ACR: variants seen among roughly 807,000 people sequenced by gnomAD.
ACR encodes acrosin.
In ACR, 17 loss-of-function variants were observed where a neutral mutation model predicts 26.0. The ratio of observed to expected loss-of-function variants is 0.65; its 90% confidence interval spans 0.45 to 0.98. The LOEUF is 0.98. Among genes scored for constraint, ACR ranks in the 50% least tolerant of loss-of-function variants. The pLI is 0.00. For missense variants in ACR, 435 were observed against 519.3 expected (o/e 0.84, Z 1.58); for synonymous variants, 199 against 207.7 (o/e 0.96, Z 0.36).
rs753117359 is a variant in ACR, at chr22:50,739,836, G to A, written c.424G>A (p.Asp142Asn). The A allele has an allele frequency of 1.2e-6, 2 of 1,611,538 alleles. No homozygotes were observed. The highest frequency in any genetic ancestry group is 3.4e-5 in the Admixed American group (2 of 59,638). The change falls in exon 3 of 5, where the codon GAC becomes AAC. Residue 142 changes from aspartate to asparagine, a missense_variant. Transcript: ENST00000216139. This position sits in a 1 kb window ranked among gnomAD's most constrained non-coding sequence, Gnocchi z 5.5. The stretch of plus-strand genomic sequence containing the variant: ...ATACAACTCTGCGACAGAGGGAAAT[G>A]ACATTGCCCTCGTGGAGATCACCCC... ...EKYNSATEGN[D>N]IALVEITPPI...
At chr22:50,741,807 C>T (rs1303590672) in intron 3 of ACR, among the ~76,000 whole-genome samples, 1 of 150,846 alleles carries the variant, frequency 6.6e-6, no homozygotes, top group Non-Finnish European at 1.5e-5. Flanking sequence ...GGTTTTGAGT[C>T]CCTGCAGACT....
intron 3 of ACR, chr22:50,740,568 G>GCTCTGTA (rs2083420830): frequency 1.4e-6 from 1 of 702,152 alleles, no homozygotes; most frequent in Non-Finnish European, 2.6e-6. Context: ...ACTGGGAAGG[G>GCTCTGTA]GACCGGTGGT....
At chr22:50,742,525 C>G (rs1476321803) in intron 3 of ACR, among the ~76,000 whole-genome samples, 1 of 131,632 alleles carries the variant, frequency 7.6e-6, no homozygotes, top group Non-Finnish European at 1.6e-5. Flanking sequence ...GCCTGGGCGA[C>G]AGAGCAAGAC....
In ACR at chr22:50,739,322, C is replaced by G; in HGVS notation, c.129C>G (p.Ile43Met). Residue 43 changes from isoleucine to methionine, a missense_variant, in exon 2 of 5, where the codon ATC (isoleucine) becomes ATG (methionine). This residue lies in a region of ACR where 314 missense variants were observed against 372.0 expected (regional missense o/e 0.84). Transcript: ENST00000216139. This position sits in a 1 kb window ranked among gnomAD's most constrained non-coding sequence, Gnocchi z 5.5. ...FRQNPQGGVR[I>M]VGGKAAQHGA... Reference sequence around the variant, plus strand: ...AAAACCCACAGGGTGGTGTCCGCATCGTCGGCGGGAAGGCTGCACAGCATG... The same window carrying G: ...AAAACCCACAGGGTGGTGTCCGCATGGTCGGCGGGAAGGCTGCACAGCATG... The G allele has an allele frequency of 6.2e-7, 1 of 1,606,780 alleles. No individual in the cohort carries two copies. The highest frequency in any genetic ancestry group is 1.1e-5 in the South Asian group (1 of 89,804).
chr22:50,738,335 G>C (rs767699984), intron 1 of ACR, 23 bp downstream of exon 1: 1 of 1,611,802 alleles, frequency 6.2e-7, no homozygotes, highest in Non-Finnish European at 8.5e-7. Context: ...GCACCTTGGT[G>C]GGGGAAGGAT....
At position 50,744,197 on chromosome 22, in the gene ACR, C is replaced by T. The variant is rs1308668549; in HGVS notation, c.702C>T (p.Asp234=). The change falls in exon 4 of 5, where the codon GAC becomes GAT. Residue 234 remains aspartate (D), a synonymous_variant. Coordinates refer to ENST00000216139, the MANE Select transcript of ACR (RefSeq NM_001097.3). Reference sequence around the variant, plus strand: ...CGGGGTATCCTGTAGGCAAGATCGACACCTGCCAGGTAACCTTCCTTCTGG... The same window carrying T: ...CGGGGTATCCTGTAGGCAAGATCGATACCTGCCAGGTAACCTTCCTTCTGG... The part of the protein sequence containing the change: ...VCAGYPVGKI[D]TCQGDSGGPL... 2 of 1,613,622 alleles carry T rather than the reference C, an allele frequency of 1.2e-6. No individual in the cohort carries two copies. Among genetic ancestry groups the T allele is most frequent in the African/African-American group, 1.3e-5 (1 of 74,950 alleles).
chr22:50,740,860 C>T (rs973445168), intron 3 of ACR: 2 of 611,910 alleles, frequency 3.3e-6, no homozygotes, highest in Admixed American at 5.2e-5. Context: ...ATTGTCATTA[C>T]TGACTCCGTG....
At chr22:50,742,356 A>G (rs2083428041) in intron 3 of ACR, among the ~76,000 whole-genome samples, 1 of 151,942 alleles carries the variant, frequency 6.6e-6, no homozygotes, top group Non-Finnish European at 1.5e-5. Context: ...CATCCTGGCT[A>G]ACACGGTGAA....
rs766169568 is a variant in ACR at position 50,744,054 on chromosome 22, A to T, written c.566-7A>T. The T allele has an allele frequency of 1.1e-5, 18 of 1,578,690 alleles. No individual in the cohort carries two copies. Among genetic ancestry groups the T allele is most frequent in the Middle Eastern group, 1.7e-4 (1 of 6,010 alleles). On this transcript the variant is annotated splice_region_variant and splice_polypyrimidine_tract_variant and intron_variant, in intron 3 of 4. Coordinates refer to ENST00000216139, the MANE Select transcript of ACR (RefSeq NM_001097.3). Reference sequence around the variant, plus strand: ...TGATCACTGACCACCGAGTGGTCTGACTATAGCCCCCAGGCCATCATCTAT... The same window carrying T: ...TGATCACTGACCACCGAGTGGTCTGTCTATAGCCCCCAGGCCATCATCTAT...
At position 50,739,465 on chromosome 22, in the gene ACR, T is replaced by C. The variant is rs750963565; in HGVS notation, c.272T>C (p.Val91Ala). 20 of 1,614,030 alleles carry C rather than the reference T, an allele frequency of 1.2e-5. No homozygotes were observed. The highest frequency in any genetic ancestry group is 1.7e-5 in the Non-Finnish European group (20 of 1,180,032). ...GTGCTCACTGCTGCTCACTGCTTCG[T>C]CGGCAAAAAGTACGTGTAGGGATGC... ...RWVLTAAHCF[V>A]GKNNVHDWRL... Residue 91 changes from valine (V) to alanine (A), a missense_variant, in exon 2 of 5, where the codon GTC becomes GCC. By Grantham distance (64) the Val-to-Ala change is moderately conservative. This residue lies in a region of ACR where 314 missense variants were observed against 372.0 expected (regional missense o/e 0.84). Transcript: ENST00000216139. This position sits in a 1 kb window ranked among gnomAD's most constrained non-coding sequence, Gnocchi z 5.5.
chr22:50,740,493 C>T, intron 3 of ACR: 1 of 658,232 alleles, frequency 1.5e-6, no homozygotes, highest in South Asian at 1.7e-5. Flanking sequence ...CAGCAGCCAC[C>T]TCCGGTGCAG....
intron 3 of ACR, chr22:50,740,897 T>C (rs2083422235): frequency 3.4e-6 from 2 of 582,464 alleles, no homozygotes; most frequent in Non-Finnish European, 6.2e-6. Flanking sequence ...CACCTCTCCC[T>C]ACATACTTAG....
chr22:50,742,712 C>A (rs563164882), intron 3 of ACR, among the ~76,000 whole-genome samples: 2 of 152,278 alleles, frequency 1.3e-5, no homozygotes, highest in Admixed American at 1.3e-4. Context: ...GGAAAGCCAG[C>A]GAGCACTCGT....
Position 50,740,289 on chromosome 22 carries a change from C to A in ACR, c.565+312C>A, listed in dbSNP as rs527561398. ...GCTGGATCCTGGAAACAAGCAGCAA[C>A]CCTGAAACAGCCTTTGGAGAAGAGC... On this transcript the variant is annotated intron_variant, in intron 3 of 4. Transcript: ENST00000216139. The A allele has an allele frequency of 1.7e-4, 94 of 569,014 alleles. 1 individual carries two copies. The highest frequency in any genetic ancestry group is 1.6e-3 in the African/African-American group (85 of 53,472). The allele number at this position is 569,014 out of a possible 1,614,324, so 35.2% of individuals were successfully genotyped here. A position where few individuals can be genotyped will look rare whatever the true frequency, so the allele number is the denominator to read the frequency against.
At chr22:50,742,857 G>T (rs1442096456) in intron 3 of ACR, among the ~76,000 whole-genome samples, 1 of 152,206 alleles carries the variant, frequency 6.6e-6, no homozygotes, top group Non-Finnish European at 1.5e-5. Context: ...CATCTGCTCT[G>T]CAGGTGACGT....
chr22:50,741,111 A>G (rs1249058085), intron 3 of ACR, among the ~76,000 whole-genome samples: 4 of 152,216 alleles, frequency 2.6e-5, no homozygotes, highest in African/African-American at 9.6e-5. Context: ...ATTCAAGGCA[A>G]TTCAGTCATA....
chr22:50,738,305 A>G lies in ACR; in HGVS notation c.70A>G (p.Thr24Ala). ...AVSVVAKDNA[T>A]CDGPCGLRFR... ...GTCCGTGGTTGCTAAAGATAACGCC[A>G]CGTGTGAGTAAGTGTCGGGGCACCT... The change falls in exon 1 of 5, where the codon ACG (threonine) becomes GCG (alanine). Residue 24 changes from threonine to alanine, a missense_variant. Transcript: ENST00000216139. The G allele has an allele frequency of 6.2e-7, 1 of 1,613,834 alleles. No individual in the cohort carries two copies. The highest frequency in any genetic ancestry group is 8.5e-7 in the Non-Finnish European group (1 of 1,179,882).
At chr22:50,738,446 C>G in intron 1 of ACR, 134 bp downstream of exon 1, 1 of 879,446 alleles carries the variant, frequency 1.1e-6, no homozygotes. Flanking sequence ...GAATCAGCAG[C>G]CTGGAGCCCC....
At position 50,744,975 on chromosome 22, in the gene ACR, G is replaced by A. The variant is rs1064738; in HGVS notation, c.1034G>A (p.Arg345Gln). 3.2e-5 allele frequency: 27 copies of A among 837,266 alleles called. No individual in the cohort carries two copies. The South Asian group carries it at 4.1e-4, about 13-fold the overall frequency. 51.9% of individuals were successfully genotyped at this position (837,266 alleles called of 1,614,324 possible). A position where few individuals can be genotyped will look rare whatever the true frequency, so the allele number is the denominator to read the frequency against. The part of the protein sequence containing the change: ...LPPRPPAAQP[R>Q]PPPSPPPPPP... ...CCCCGACCACCGGCAGCCCAGCCCC[G>A]ACCCCCACCTTCACCCCCGCCCCCA... is the stretch of plus-strand genomic sequence containing the variant. Residue 345 changes from arginine (R) to glutamine (Q), a missense_variant, in exon 5 of 5, where the codon CGA (arginine) becomes CAA (glutamine). This residue lies in a region of ACR where 92 missense variants were observed against 87.8 expected (regional missense o/e 1.05). Transcript: ENST00000216139.
Sources: gnomAD v4.1 joint callset for allele counts (sites outside exome capture counted in the v4.1 genomes callset) on GRCh38, gnomAD v4.1.1 for gene constraint, gnomAD v4.1.1 regional missense constraint, Gnocchi (gnomAD v3.1) non-coding constraint, MANE v1.5 for transcripts, NCBI Gene and HGNC (gene_info 2026-07-23, HGNC 2026-07-21) for gene names.